The following DISP1 variants were observed in gnomAD, a reference collection of about 807,000 sequenced individuals.
DISP1 encodes protein dispatched homolog 1.
A neutral mutation model predicts 37.3 loss-of-function variants in DISP1; 30 were observed. That is an observed-to-expected ratio of 0.80 (90% CI 0.60 to 1.09). The LOEUF is 1.09. Ranked by LOEUF, DISP1 falls within the 50% of genes least tolerant of loss-of-function variation. The pLI is 0.00. For synonymous variants in DISP1, 634 were observed against 690.2 expected (o/e 0.92, Z 1.28); for missense variants, 1,598 against 1,879.5 (o/e 0.85, Z 2.77).
chr1:222,836,837 A>G (rs1484054741), intron 1 of DISP1: 2 of 349,968 alleles, frequency 5.7e-6, no homozygotes, highest in Admixed American at 4.7e-5. Context: ...CAGAGACAGA[A>G]GAGGAGTTGA....
rs531689215 is a variant in DISP1 at position 223,003,891 on chromosome 1, C to G, written c.2494C>G (p.Gln832Glu). The change falls in exon 9 of 9, where the codon CAA (glutamine) becomes GAA (glutamate). Residue 832 changes from glutamine to glutamate, a missense_variant. Transcript: ENST00000675850. The surrounding 1 kb of genome is among the most constrained non-coding windows in gnomAD (Gnocchi z 4.3). ...ASQAWILHFC[Q>E]KLRNQTFFYQ... ...CCAGGCCTGGATTTTGCACTTCTGTCAAAAACTGAGAAACCAAACATTCTT... is the reference window on the plus strand; with the variant it reads ...CCAGGCCTGGATTTTGCACTTCTGTGAAAAACTGAGAAACCAAACATTCTT... The G allele has an allele frequency of 3.7e-6, 6 of 1,614,108 alleles. No individual in the cohort carries two copies. In the East Asian group the frequency reaches 1.1e-4, roughly 30 times the overall value.
intron 2 of DISP1, among the ~76,000 whole-genome samples, chr1:222,936,894 T>A (rs373405691): frequency 4.3e-4 from 34 of 78,690 alleles, no homozygotes; most frequent in African/African-American, 1.5e-3. Flanking sequence ...ATATAATATA[T>A]TATTTATATA....
chr1:222,815,221 G>C (rs1381468689), intron 1 of DISP1, 143 bp downstream of exon 1: 3 of 152,262 alleles, frequency 2.0e-5, no homozygotes, highest in Non-Finnish European at 4.4e-5. Flanking sequence ...GGAAATCCGG[G>C]ACCCCAGGCT....
In DISP1 at chr1:223,003,501, T is replaced by A. The variant is rs1397760930; in HGVS notation, c.2104T>A (p.Ser702Thr). Residue 702 changes from serine to threonine, a missense_variant, in exon 9 of 9, where the codon TCT becomes ACT. Physicochemically the swap from Ser to Thr is moderately conservative, Grantham distance 58 (BLOSUM62 1). Transcript: ENST00000675850. The surrounding 1 kb of genome is among the most constrained non-coding windows in gnomAD (Gnocchi z 4.3). ...AGTACTCTTTGCCATTTCAGAAGCA[T>A]CTCGAATTTTTTTCGAAAAAGTATT... The part of the protein sequence containing the change: ...HKVLFAISEA[S>T]RIFFEKVLPC... The A allele has an allele frequency of 6.2e-7, 1 of 1,614,098 alleles. No homozygotes were observed. The highest frequency in any genetic ancestry group is 8.5e-7 in the Non-Finnish European group (1 of 1,180,042).
chr1:222,962,017 A>C (rs1676101472), intron 3 of DISP1, among the ~76,000 whole-genome samples: 1 of 151,632 alleles, frequency 6.6e-6, no homozygotes, highest in Non-Finnish European at 1.5e-5. Context: ...AAAAAGAAAA[A>C]AAAAGAAGAA....
Position 222,894,490 on chromosome 1 carries a change from G to T in DISP1, c.-158-33940G>T, listed in dbSNP as rs569637184. On this transcript the variant is annotated intron_variant, in intron 1 of 8. Transcript: ENST00000675850. ...CTGTGCACACACCCGCCCGGGTTGC[G>T]ACAGCGCCTGGACTCGGCTTCAACT... is the stretch of plus-strand genomic sequence containing the variant. 7.7e-4 allele frequency among the ~76,000 whole-genome samples: 117 copies of T among 152,334 alleles called. No individual in the cohort carries two copies. In the South Asian group the frequency reaches 8.1e-3, roughly 11 times the overall value.
intron 1 of DISP1, among the ~76,000 whole-genome samples, chr1:222,924,488 A>G (rs1485793154): frequency 6.6e-6 from 1 of 152,168 alleles, no homozygotes; most frequent in Non-Finnish European, 1.5e-5. Context: ...GTCTTCAGTG[A>G]TTCCCTGCAC....
At chr1:222,999,784 G>C (rs1679310574) in intron 8 of DISP1, among the ~76,000 whole-genome samples, 1 of 152,024 alleles carries the variant, frequency 6.6e-6, no homozygotes, top group South Asian at 2.1e-4. Flanking sequence ...CAGCGTGTTG[G>C]CATCCAACTC....
chr1:222,949,984 A>G (rs776003726), intron 3 of DISP1, among the ~76,000 whole-genome samples: 3 of 152,252 alleles, frequency 2.0e-5, no homozygotes, highest in Non-Finnish European at 2.9e-5. Context: ...GGCAAGACTT[A>G]TACCAACAAG....
At chr1:222,929,819 G>A (rs978442872) in intron 2 of DISP1, among the ~76,000 whole-genome samples, 8 of 152,034 alleles carry the variant, frequency 5.3e-5, no homozygotes, top group East Asian at 3.9e-4. Context: ...CATTGCCAAC[G>A]TATCAAATAT....
intron 4 of DISP1, among the ~76,000 whole-genome samples, chr1:222,988,859 G>A (rs1035109193): frequency 1.3e-5 from 2 of 152,086 alleles, no homozygotes; most frequent in Admixed American, 6.5e-5. Context: ...CACCATGTTG[G>A]CCAGGCTGGT....
At chr1:222,984,403 CAA>C (rs143486728) in intron 4 of DISP1, among the ~76,000 whole-genome samples, 899 of 29,978 alleles carry the variant, frequency 0.03, 29 homozygotes, top group East Asian at 0.17. Context: ...GACTCTGTCT[CAA>C]AAAAAAAAAA....
chr1:222,830,074 A>G (rs1324321912), intron 1 of DISP1, among the ~76,000 whole-genome samples: 1 of 152,120 alleles, frequency 6.6e-6, no homozygotes, highest in African/African-American at 2.4e-5. Context: ...AAGTACATTC[A>G]TTTGCACAGC....
chr1:222,825,808 A>G (rs909724646), intron 1 of DISP1, among the ~76,000 whole-genome samples: 15 of 151,852 alleles, frequency 9.9e-5, no homozygotes, highest in African/African-American at 3.6e-4. Context: ...GCCCAGCTGA[A>G]TAGCCTGTAT....
In DISP1 at chr1:223,004,587, C is replaced by G. The variant is rs758426284; in HGVS notation, c.3190C>G (p.Pro1064Ala). The G allele has an allele frequency of 6.2e-7, 1 of 1,614,130 alleles. No homozygotes were observed. Among genetic ancestry groups the G allele is most frequent in the Non-Finnish European group, 8.5e-7 (1 of 1,180,028 alleles). ...TTATGGGGTTGCCTACCGCTTGGCT[C>G]CAGATCCCGACCGAGAAGGCAAAGT... ...VHYGVAYRLA[P>A]DPDREGKVIF... The change falls in exon 9 of 9, where the codon CCA becomes GCA. Residue 1064 changes from proline (P) to alanine (A), a missense_variant. Transcript: ENST00000675850. This position sits in a 1 kb window ranked among gnomAD's most constrained non-coding sequence, Gnocchi z 4.9.
chr1:222,974,918 A>G (rs554489583), intron 3 of DISP1, among the ~76,000 whole-genome samples: 1 of 152,266 alleles, frequency 6.6e-6, no homozygotes, highest in African/African-American at 2.4e-5. Flanking sequence ...TTTTCTTCCT[A>G]ACTTACCAGT....
intron 1 of DISP1, among the ~76,000 whole-genome samples, chr1:222,897,289 G>T (rs1237532873): frequency 6.6e-6 from 1 of 152,160 alleles, no homozygotes; most frequent in African/African-American, 2.4e-5. Context: ...TGATAGAAAT[G>T]ATCACAGTTT....
In DISP1 at chr1:223,002,401, A is replaced by G; in HGVS notation, c.1004A>G (p.Gln335Arg). The G allele has an allele frequency of 1.9e-6, 3 of 1,614,002 alleles. No individual in the cohort carries two copies. The highest frequency in any genetic ancestry group is 2.5e-6 in the Non-Finnish European group (3 of 1,179,994). Residue 335 changes from glutamine (Q) to arginine (R), a missense_variant, in exon 9 of 9, where the codon CAG becomes CGG. Coordinates refer to ENST00000675850, the MANE Select transcript of DISP1 (RefSeq NM_001377229.1). ...TCTCTGCAGATCAGATCTCATCCCC[A>G]GTTTGGTGATCTCTGCCAGAGGACC... ...VDNSRIRSHP[Q>R]FGDLCQRTTA...
intron 1 of DISP1, among the ~76,000 whole-genome samples, chr1:222,859,157 A>G (rs1302698534): frequency 1.3e-5 from 2 of 152,242 alleles, no homozygotes; most frequent in Admixed American, 1.3e-4. Context: ...AGCCATAAAA[A>G]GGAATGAGAT....
Sources: gnomAD v4.1 joint callset for allele counts (sites outside exome capture counted in the v4.1 genomes callset) on GRCh38, gnomAD v4.1.1 for gene constraint, Gnocchi (gnomAD v3.1) non-coding constraint, MANE v1.5 for transcripts, NCBI Gene and HGNC (gene_info 2026-07-23, HGNC 2026-07-21) for gene names.